The following RRM2 variants were observed in gnomAD, a reference collection of about 807,000 sequenced individuals.
The protein encoded by RRM2 is ribonucleotide reductase regulatory subunit M2, also known as ribonucleoside-diphosphate reductase subunit M2.
Under a neutral mutation model 45.9 loss-of-function variants are expected in RRM2, and 6 were observed. The observed-to-expected ratio is 0.13, with a 90% confidence interval of 0.07 to 0.26. The LOEUF is 0.26. Among genes scored for constraint, RRM2 ranks in the 10% least tolerant of loss-of-function variants. The probability of loss-of-function intolerance (pLI) is 1.00; values close to 1 mark genes in which losing one functional copy is unlikely to be tolerated. For synonymous variants in RRM2, 177 were observed against 173.0 expected (o/e 1.02, Z -0.18); for missense variants, 343 against 489.5 (o/e 0.70, Z 2.82).
intron 3 of RRM2, among the ~76,000 whole-genome samples, chr2:10,144,272 C>T (rs535319580): frequency 1.1e-4 from 16 of 152,326 alleles, no homozygotes; most frequent in Admixed American, 3.9e-4. Context: ...GGCATCTCCT[C>T]ACACTCTTCC....
chr2:10,138,069 C>T (rs778728812), upstream of RRM2, among the ~76,000 whole-genome samples: 8 of 152,080 alleles, frequency 5.3e-5, no homozygotes, highest in Admixed American at 2.0e-4. Flanking sequence ...GACGTGATCT[C>T]GGCTCACTGC....
At chr2:10,148,517 C>G (rs990983486) in intron 3 of RRM2, among the ~76,000 whole-genome samples, 1 of 152,226 alleles carries the variant, frequency 6.6e-6, no homozygotes, top group Non-Finnish European at 1.5e-5. Flanking sequence ...GAGAACTTCA[C>G]AGATGTCACT....
intron 3 of RRM2, among the ~76,000 whole-genome samples, chr2:10,162,185 G>A (rs545487359): frequency 6.6e-6 from 1 of 152,174 alleles, no homozygotes; most frequent in Admixed American, 6.5e-5. Flanking sequence ...GGATGCCCGG[G>A]TGCACAGAGG....
chr2:10,158,390 C>T (rs115030999), intron 3 of RRM2, among the ~76,000 whole-genome samples: 1,906 of 152,242 alleles, frequency 0.013, 35 homozygotes, highest in African/African-American at 0.043. Context: ...TACAGCCTTC[C>T]ATCATCCCCC....
intron 3 of RRM2, among the ~76,000 whole-genome samples, chr2:10,181,247 T>C (rs1664040268): frequency 6.6e-6 from 1 of 152,230 alleles, no homozygotes; most frequent in African/African-American, 2.4e-5. Context: ...CTTAGAGTGG[T>C]TAATTAATTT....
chr2:10,149,201 T>A (rs1663255257), intron 3 of RRM2, among the ~76,000 whole-genome samples: 1 of 152,040 alleles, frequency 6.6e-6, no homozygotes, highest in Admixed American at 6.6e-5. Flanking sequence ...GGATCTCAGC[T>A]TGCTGCAACC....
At chr2:10,123,579 C>T in intron 3 of RRM2, 49 bp downstream of exon 3, 1 of 1,576,792 alleles carries the variant, frequency 6.3e-7, no homozygotes, top group Non-Finnish European at 8.6e-7. Context: ...CGTCACGCCT[C>T]AGACATAAAT....
rs200733705 is a variant in RRM2, at chr2:10,201,162, AG to A, written n.483-9148del. On this transcript the variant is annotated intron_variant and non_coding_transcript_variant, in intron 3 of 3. Coordinates refer to the RRM2 transcript ENST00000381786. ...AGATTCCATCTCAAAAAAAAAAAAA[AG>A]AAAGAAAGAAAGAAAGAAAACAGAC... 9.7e-4 allele frequency among the ~76,000 whole-genome samples: 145 copies of A among 149,812 alleles called. 1 individual carries two copies. Among genetic ancestry groups the A allele is most frequent in the Admixed American group, 3.3e-3 (50 of 15,018 alleles).
chr2:10,156,185 T>C (rs1158409870), intron 3 of RRM2: 1 of 152,260 alleles, frequency 6.6e-6, no homozygotes, highest in Non-Finnish European at 1.5e-5. Flanking sequence ...GGAAGGAGAA[T>C]TGGCTTGTGT....
At chr2:10,196,577 C>T (rs767549536) in intron 3 of RRM2, among the ~76,000 whole-genome samples, 25 of 152,216 alleles carry the variant, frequency 1.6e-4, no homozygotes, top group Non-Finnish European at 3.1e-4. Context: ...CAGGACCAGC[C>T]GTTGTCCCAC....
chr2:10,191,257 C>A (rs896537002), intron 3 of RRM2, among the ~76,000 whole-genome samples: 1 of 152,236 alleles, frequency 6.6e-6, no homozygotes, highest in Non-Finnish European at 1.5e-5. Flanking sequence ...ACTCTTGGGG[C>A]AGCGTGGCCT....
At chr2:10,133,291 T>C (rs141994069), downstream of RRM2, among the ~76,000 whole-genome samples, 38 of 152,364 alleles carry the variant, frequency 2.5e-4, no homozygotes, top group African/African-American at 7.7e-4. Context: ...TGTGTGCACA[T>C]TCGGGGCCCT....
chr2:10,210,940 C>T (rs921463339), exon 4 of RRM2: 25 of 204,016 alleles, frequency 1.2e-4, no homozygotes, highest in African/African-American at 4.9e-4. Flanking sequence ...CCAAACCTGC[C>T]GGCACCTTGC....
intron 3 of RRM2, among the ~76,000 whole-genome samples, chr2:10,173,582 T>A (rs918660968): frequency 1.3e-5 from 2 of 152,246 alleles, no homozygotes; most frequent in Non-Finnish European, 2.9e-5. Flanking sequence ...TGGGCAGGGC[T>A]CTGCGGAGCT....
At chr2:10,168,396 C>T (rs779550367) in intron 3 of RRM2, among the ~76,000 whole-genome samples, 3 of 152,154 alleles carry the variant, frequency 2.0e-5, no homozygotes, top group African/African-American at 7.2e-5. Context: ...CCCTCCACCC[C>T]AGAAAGGAAT....
intron 3 of RRM2, among the ~76,000 whole-genome samples, chr2:10,206,607 C>G (rs55808563): frequency 0.15 from 22,977 of 152,140 alleles, 2,091 homozygotes; most frequent in South Asian, 0.21. Flanking sequence ...GAAGATAAGA[C>G]AGTGAAGGGG....
chr2:10,161,420 ATGTG>A lies in RRM2; in HGVS notation n.482+19051_482+19054del, dbSNP rs1663552188. Among the ~76,000 whole-genome samples the A allele has an allele frequency of 1.3e-5, 2 of 152,204 alleles. 1 individual carries two copies. Among genetic ancestry groups the A allele is most frequent in the South Asian group, 4.1e-4 (2 of 4,820 alleles). ...CTTCCTTATTGCAGGGCAGATATGGATGTGTGTGTCATGACCTCCACCACCCGCG... is the reference window on the plus strand; with the variant it reads ...CTTCCTTATTGCAGGGCAGATATGGATGTGTCATGACCTCCACCACCCGCG... On this transcript the variant is annotated intron_variant and non_coding_transcript_variant, in intron 3 of 3. Coordinates refer to the RRM2 transcript ENST00000381786.
At chr2:10,137,075 G>C (rs764571410), upstream of RRM2, among the ~76,000 whole-genome samples, 7 of 152,234 alleles carry the variant, frequency 4.6e-5, no homozygotes, top group South Asian at 2.1e-4. Flanking sequence ...GATAGGATAA[G>C]GTTGATTTTC....
chr2:10,151,637 GGTCATATAGTAGGTTTCACTTTTTAAGAA>G (rs900144720), intron 3 of RRM2, among the ~76,000 whole-genome samples: 2 of 152,072 alleles, frequency 1.3e-5, no homozygotes, highest in African/African-American at 4.8e-5. Flanking sequence ...AGAATGACTG[GGTCATATAGTAGGTTTCACTTTTTAAGAA>G]GTGACCCAAC....
Sources: allele counts gnomAD v4.1 joint callset (sites outside exome capture counted in the v4.1 genomes callset), GRCh38; gene constraint gnomAD v4.1.1; transcripts MANE v1.5; gene names NCBI Gene and HGNC (gene_info 2026-07-23, HGNC 2026-07-21).